GLIS3: variants seen among roughly 807,000 people sequenced by gnomAD.
The protein encoded by GLIS3 is GLIS family zinc finger 3.
Under a neutral mutation model 78.6 loss-of-function variants are expected in GLIS3, and 53 were observed. The ratio of observed to expected loss-of-function variants is 0.67; its 90% confidence interval spans 0.54 to 0.85. The LOEUF is 0.85. Among genes scored for constraint, GLIS3 ranks in the 40% least tolerant of loss-of-function variants. GLIS3 has a pLI of 0.00. For missense variants in GLIS3, 1,703 were observed against 1,231.1 expected, an observed-to-expected ratio of 1.38 and a Z score of -5.74; for synonymous variants, 684 against 509.9, an observed-to-expected ratio of 1.34 and a Z score of -4.60.
intron 2 of GLIS3, among the ~76,000 whole-genome samples, chr9:4,283,272 T>G (rs894275092): frequency 1.9e-5 from 2 of 107,410 alleles, no homozygotes; most frequent in South Asian, 2.4e-4. Flanking sequence ...TTTTTTTGTT[T>G]TTTTTTTTTT....
intron 4 of GLIS3, among the ~76,000 whole-genome samples, chr9:4,066,713 A>C (rs2130603753): frequency 6.6e-6 from 1 of 152,246 alleles, no homozygotes; most frequent in East Asian, 1.9e-4. Context: ...AGCTGGAGAA[A>C]TATTAGGCTT....
chr9:4,427,451 C>A, the GLIS3 span, among the ~76,000 whole-genome samples: 1 of 152,188 alleles, frequency 6.6e-6, no homozygotes. Flanking sequence ...TCAAGTTCAG[C>A]ACCCAGGATG....
At chr9:4,457,827 C>G in the GLIS3 span, among the ~76,000 whole-genome samples, 2 of 142,258 alleles carry the variant, frequency 1.4e-5, no homozygotes, top group Non-Finnish European at 3.0e-5. Context: ...TCCAGCCTGG[C>G]GACAGAACGA....
At chr9:4,045,559 G>A (rs952766730) in intron 4 of GLIS3, among the ~76,000 whole-genome samples, 2 of 150,706 alleles carry the variant, frequency 1.3e-5, no homozygotes, top group Non-Finnish European at 2.9e-5. Context: ...GGCTGGTCTC[G>A]AACTCCTGAC....
chr9:4,267,143 A>C (rs529405392), intron 2 of GLIS3, among the ~76,000 whole-genome samples: 1 of 152,196 alleles, frequency 6.6e-6, no homozygotes, highest in East Asian at 1.9e-4. Flanking sequence ...ACCCACCCCC[A>C]CACACACCCA....
At chr9:4,343,955 C>G (rs754258498) in intron 2 of GLIS3, among the ~76,000 whole-genome samples, 29 of 152,282 alleles carry the variant, frequency 1.9e-4, no homozygotes, top group Middle Eastern at 3.4e-3. Flanking sequence ...TGAAAATCTA[C>G]CTATTAGGTA....
chr9:4,446,717 G>A, the GLIS3 span, among the ~76,000 whole-genome samples: 1 of 149,212 alleles, frequency 6.7e-6, no homozygotes, highest in African/African-American at 2.5e-5. Context: ...GTTTCACCAA[G>A]TTGGCCAGAC....
chr9:3,911,858 T>C (rs1352717473), intron 6 of GLIS3, among the ~76,000 whole-genome samples: 1 of 152,200 alleles, frequency 6.6e-6, no homozygotes, highest in Non-Finnish European at 1.5e-5. Context: ...TAACATTCAG[T>C]GTAGAAGCAC....
chr9:4,324,259 C>T (rs998649493), intron 2 of GLIS3, among the ~76,000 whole-genome samples: 2 of 152,134 alleles, frequency 1.3e-5, no homozygotes, highest in Non-Finnish European at 1.5e-5. Flanking sequence ...TTAAAGATCA[C>T]TTCATAGTGA....
chr9:4,016,254 G>C (rs772951741), intron 4 of GLIS3, among the ~76,000 whole-genome samples: 6 of 152,110 alleles, frequency 3.9e-5, no homozygotes, highest in South Asian at 2.1e-4. Flanking sequence ...AAAAGCCTTG[G>C]ACATCTGAAG....
At chr9:4,459,890 G>A in the GLIS3 span, among the ~76,000 whole-genome samples, 2 of 152,230 alleles carry the variant, frequency 1.3e-5, no homozygotes, top group Non-Finnish European at 2.9e-5. Context: ...CTGAATGATG[G>A]AGAAAAATGA....
intron 7 of GLIS3, among the ~76,000 whole-genome samples, chr9:3,879,903 G>T (rs111603459): frequency 3.9e-4 from 59 of 152,108 alleles, no homozygotes; most frequent in African/African-American, 1.3e-3. Context: ...GTTTGCATCT[G>T]TGCCAAGGTC....
intron 2 of GLIS3, among the ~76,000 whole-genome samples, chr9:4,133,307 T>C (rs1833112862): frequency 6.6e-6 from 1 of 152,216 alleles, no homozygotes; most frequent in African/African-American, 2.4e-5. Flanking sequence ...TACACTCAAA[T>C]GTAACTTATG....
chr9:4,102,663 C>T (rs1444476156), intron 4 of GLIS3, among the ~76,000 whole-genome samples: 1 of 152,128 alleles, frequency 6.6e-6, no homozygotes, highest in East Asian at 1.9e-4. Flanking sequence ...TTAAAAAGCA[C>T]TGCCGTAACT....
At position 3,828,342 on chromosome 9, in the gene GLIS3, G is replaced by C; in HGVS notation, c.2723C>G (p.Ala908Gly). The C allele has an allele frequency of 2.5e-6, 4 of 1,614,028 alleles. No homozygotes were observed. The highest frequency in any genetic ancestry group is 3.4e-6 in the Non-Finnish European group (4 of 1,179,990). The change falls in exon 11 of 11, where the codon GCT becomes GGT. Residue 908 changes from alanine (A) to glycine (G), a missense_variant. Physicochemically the swap from Ala to Gly is moderately conservative, Grantham distance 60. Coordinates refer to ENST00000381971, the MANE Select transcript of GLIS3 (RefSeq NM_001042413.2). ...GESLRSGAED[A>G]TFLQISTVDR... ...CACGGTGCTGATCTGCAAGAAGGTA[G>C]CATCTTCAGCCCCGCTGCGGAGAGA...
At chr9:3,950,896 T>C (rs1210750023) in intron 4 of GLIS3, among the ~76,000 whole-genome samples, 1 of 152,242 alleles carries the variant, frequency 6.6e-6, no homozygotes, top group Non-Finnish European at 1.5e-5. Context: ...TTTTTGAAAC[T>C]ATGCTTCTAG....
At chr9:4,086,449 G>A (rs964011645) in intron 4 of GLIS3, among the ~76,000 whole-genome samples, 3 of 152,170 alleles carry the variant, frequency 2.0e-5, no homozygotes, top group Non-Finnish European at 4.4e-5. Context: ...GATCCTATTC[G>A]TGGTATTCCC....
At chr9:4,395,785 T>C in the GLIS3 span, among the ~76,000 whole-genome samples, 948 of 150,262 alleles carry the variant, frequency 6.3e-3, 5 homozygotes, top group Middle Eastern at 0.014. Context: ...TTCTTTTTTT[T>C]TTTTTTTGAG....
At chr9:4,475,313 A>C in the GLIS3 span, among the ~76,000 whole-genome samples, 1 of 152,220 alleles carries the variant, frequency 6.6e-6, no homozygotes, top group African/African-American at 2.4e-5. Context: ...GCTTCACAGA[A>C]GAGGAGCTAT....
Sources: gnomAD v4.1 joint callset for allele counts (sites outside exome capture counted in the v4.1 genomes callset) on GRCh38, gnomAD v4.1.1 for gene constraint, MANE v1.5 for transcripts, NCBI Gene and HGNC (gene_info 2026-07-23, HGNC 2026-07-21) for gene names.